DHCR24: variants seen among roughly 807,000 people sequenced by gnomAD.
DHCR24 encodes the protein delta(24)-sterol reductase.
DHCR24 carries 28 observed loss-of-function variants against 61.2 expected under a neutral mutation model. That is an observed-to-expected ratio of 0.46 (90% CI 0.34 to 0.63). The LOEUF is 0.63. Among genes scored for constraint, DHCR24 ranks in the 20% least tolerant of loss-of-function variants. The pLI is 0.01. For synonymous variants in DHCR24, 261 were observed against 275.9 expected (o/e 0.95, Z 0.54); for missense variants, 538 against 679.1 (o/e 0.79, Z 2.31).
chr1:54,861,610 C>G (rs1354433821), intron 6 of DHCR24, among the ~76,000 whole-genome samples: 1 of 152,132 alleles, frequency 6.6e-6, no homozygotes, highest in African/African-American at 2.4e-5. Context: ...ATAACACACC[C>G]TTGGGTCCTC....
chr1:54,886,764 C>A, intron 1 of DHCR24, 125 bp downstream of exon 1: 1 of 1,491,382 alleles, frequency 6.7e-7, no homozygotes. Flanking sequence ...CCAACGCCAG[C>A]TCCCCACCCC....
rs541615238 is a variant in DHCR24, at chr1:54,852,897, A to C, written c.1398-511T>G. ...ATCCCCAGGCAACTACTGATGCGCTATCAGTATGGATTCATGTGTGTTTTT... is the reference window on the plus strand; with the variant it reads ...ATCCCCAGGCAACTACTGATGCGCTCTCAGTATGGATTCATGTGTGTTTTT... On this transcript the variant is annotated intron_variant, in intron 8 of 8. Coordinates refer to ENST00000371269, the MANE Select transcript of DHCR24 (RefSeq NM_014762.4). Among the ~76,000 whole-genome samples, 296 of 152,290 alleles carry C rather than the reference A, an allele frequency of 1.9e-3. 1 individual carries two copies. Among genetic ancestry groups the C allele is most frequent in the African/African-American group, 6.7e-3 (280 of 41,558 alleles).
chr1:54,878,167 G>A (rs1647044484), intron 2 of DHCR24, among the ~76,000 whole-genome samples: 3 of 145,616 alleles, frequency 2.1e-5, no homozygotes, highest in South Asian at 2.4e-4. Flanking sequence ...TACACATGAG[G>A]CTATTACCTG....
chr1:54,877,428 C>A (rs1488755917), intron 2 of DHCR24, among the ~76,000 whole-genome samples: 3 of 151,058 alleles, frequency 2.0e-5, no homozygotes, highest in African/African-American at 7.3e-5. Flanking sequence ...GAAAAAAAAA[C>A]CTGACAAAAT....
At chr1:54,875,847 G>C in intron 3 of DHCR24, 95 bp downstream of exon 3, 1 of 955,122 alleles carries the variant, frequency 1.0e-6, no homozygotes. Flanking sequence ...ATGGAATAGC[G>C]GCAATTCCAG....
intron 6 of DHCR24, among the ~76,000 whole-genome samples, chr1:54,858,270 T>C (rs1031188280): frequency 2.0e-4 from 30 of 152,356 alleles, no homozygotes; most frequent in Admixed American, 9.1e-4. Flanking sequence ...GACTGGTTGA[T>C]GGGGCAGCAT....
chr1:54,875,907 G>T (rs747617626), intron 3 of DHCR24, 35 bp downstream of exon 3: 7 of 1,569,410 alleles, frequency 4.5e-6, no homozygotes, highest in Non-Finnish European at 5.3e-6. Flanking sequence ...CTAGGACCGT[G>T]TGTCTCTTCT....
chr1:54,872,758 C>T (rs183388091), intron 4 of DHCR24, among the ~76,000 whole-genome samples: 6 of 152,296 alleles, frequency 3.9e-5, no homozygotes, highest in Admixed American at 3.9e-4. Context: ...ATGTCAGTCT[C>T]CTTTCTCTGC....
chr1:54,868,100 T>G (rs1370282036), intron 5 of DHCR24, among the ~76,000 whole-genome samples: 1 of 152,218 alleles, frequency 6.6e-6, no homozygotes, highest in African/African-American at 2.4e-5. Flanking sequence ...CTTTAAAATG[T>G]TTTAAGTATG....
intron 6 of DHCR24, among the ~76,000 whole-genome samples, chr1:54,861,009 AAAC>A (rs758750416): frequency 2.3e-5 from 3 of 132,954 alleles, no homozygotes; most frequent in Admixed American, 7.5e-5. Flanking sequence ...AAAAAAAAAA[AAAC>A]TTTTGGTAAT....
chr1:54,877,449 A>C (rs116711878), intron 2 of DHCR24, among the ~76,000 whole-genome samples: 1,702 of 151,928 alleles, frequency 0.011, 12 homozygotes, highest in Middle Eastern at 0.02. Context: ...ATATGAAATA[A>C]GAGTTTTCAA....
chr1:54,865,063 G>GTT (rs1183539151), intron 6 of DHCR24, among the ~76,000 whole-genome samples: 3 of 152,152 alleles, frequency 2.0e-5, no homozygotes, highest in African/African-American at 7.2e-5. Flanking sequence ...CAAAGTACCG[G>GTT]CCCAGGGGCT....
At chr1:54,874,350 T>C (rs1262243585) in intron 4 of DHCR24, among the ~76,000 whole-genome samples, 1 of 152,186 alleles carries the variant, frequency 6.6e-6, no homozygotes, top group Admixed American at 6.5e-5. Flanking sequence ...AGGTGTACCA[T>C]TCATCTTTTA....
rs1040580135 is a variant in DHCR24, at chr1:54,849,720, G to A, written c.*2513C>T. On this transcript the variant is annotated 3_prime_UTR_variant, in exon 9 of 9. Transcript: ENST00000371269. ...GACAGTAGACACAGTGCCTGTGGCT[G>A]TAAGAGCCTGACAGGGAAGATTCAT... 1 of 152,682 alleles carries A rather than the reference G, an allele frequency of 6.5e-6. No homozygotes were observed. Among genetic ancestry groups the A allele is most frequent in the African/African-American group, 2.4e-5 (1 of 41,462 alleles). 9.5% of individuals were successfully genotyped at this position (152,682 alleles called of 1,614,324 possible). A position where few individuals can be genotyped will look rare whatever the true frequency, so the allele number is the denominator to read the frequency against.
Position 54,854,798 on chromosome 1 carries a change from T to C in DHCR24, c.1021-564A>G, listed in dbSNP as rs72901584. Among the ~76,000 whole-genome samples the C allele has an allele frequency of 2.7e-3, 418 of 152,298 alleles. 4 individuals are homozygous for C. The highest frequency in any genetic ancestry group is 9.2e-3 in the African/African-American group (381 of 41,556). Reference sequence around the variant, plus strand: ...TTTGCAGCATCCCTTGCTCACAGCCTGACCACCCGCCTGGCTCCCCCAATT... The same window carrying C: ...TTTGCAGCATCCCTTGCTCACAGCCCGACCACCCGCCTGGCTCCCCCAATT... On this transcript the variant is annotated intron_variant, in intron 6 of 8. Coordinates refer to ENST00000371269, the MANE Select transcript of DHCR24 (RefSeq NM_014762.4).
At chr1:54,881,498 G>C (rs1490848707) in intron 2 of DHCR24, among the ~76,000 whole-genome samples, 4 of 152,180 alleles carry the variant, frequency 2.6e-5, no homozygotes, top group African/African-American at 9.7e-5. Flanking sequence ...AACAGATGCT[G>C]GTGAAGTTGC....
chr1:54,884,894 A>T (rs1007228129), intron 1 of DHCR24, among the ~76,000 whole-genome samples: 1 of 152,190 alleles, frequency 6.6e-6, no homozygotes, highest in Non-Finnish European at 1.5e-5. Flanking sequence ...CAGAGAATGA[A>T]GTCAACCTAG....
At chr1:54,880,966 T>C (rs1031302855) in intron 2 of DHCR24, among the ~76,000 whole-genome samples, 5 of 152,130 alleles carry the variant, frequency 3.3e-5, no homozygotes, top group African/African-American at 1.2e-4. Context: ...CTGGCCAACA[T>C]GGTGAAACCC....
At chr1:54,866,740 C>T (rs911070071) in intron 5 of DHCR24, among the ~76,000 whole-genome samples, 7 of 152,192 alleles carry the variant, frequency 4.6e-5, no homozygotes, top group Admixed American at 6.5e-5. Context: ...GTGTGCCACC[C>T]GCTTGTGCAG....
Sources: allele counts gnomAD v4.1 joint callset (sites outside exome capture counted in the v4.1 genomes callset), GRCh38; gene constraint gnomAD v4.1.1; transcripts MANE v1.5; gene names NCBI Gene and HGNC (gene_info 2026-07-23, HGNC 2026-07-21).